The following DENND4B variants were observed in gnomAD, a reference collection of about 807,000 sequenced individuals.
DENND4B encodes the protein DENN domain containing 4B, also known as DENN domain-containing protein 4B.
A neutral mutation model predicts 161.0 loss-of-function variants in DENND4B; 67 were observed. That is an observed-to-expected ratio of 0.42 (90% confidence interval 0.34 to 0.51). DENND4B has a LOEUF of 0.51. Ranked by LOEUF, DENND4B falls within the 20% of genes least tolerant of loss-of-function variation. The probability of loss-of-function intolerance (pLI) is 0.08; values close to 1 mark genes in which losing one functional copy is unlikely to be tolerated. For synonymous variants in DENND4B, 753 were observed against 813.8 expected (o/e 0.93, Z 1.27); for missense variants, 1,481 against 1,968.0 (o/e 0.75, Z 4.68).
Position 153,937,467 on chromosome 1 carries a change from T to C in DENND4B, c.2232+21A>G. On this transcript the variant is annotated intron_variant, in intron 15 of 27. Transcript: ENST00000361217. The surrounding 1 kb of genome is among the most constrained non-coding windows in gnomAD (Gnocchi z 4.7). ...CTTCAGCCTGATCCGGGTCCCTCAG[T>C]GCGGTCCACCCACTGCTTACCTGTT... The C allele has an allele frequency of 6.6e-7, 1 of 1,520,104 alleles. No homozygotes were observed. Among genetic ancestry groups the C allele is most frequent in the Non-Finnish European group, 8.8e-7 (1 of 1,131,678 alleles). The allele number at this position is 1,520,104 out of a possible 1,614,324, so 94.2% of individuals were successfully genotyped here.
In DENND4B at chr1:153,936,607, C is replaced by G; in HGVS notation, c.2374G>C (p.Ala792Pro). Residue 792 changes from alanine to proline, a missense_variant, in exon 16 of 28, where the codon GCA (alanine) becomes CCA (proline). By Grantham distance (27) the Ala-to-Pro change is conservative. Coordinates refer to ENST00000361217, the MANE Select transcript of DENND4B (RefSeq NM_014856.3). This position sits in a 1 kb window ranked among gnomAD's most constrained non-coding sequence, Gnocchi z 4.1. ...YVRSAPSRVQ[A>P]LHTAYHVLRQ... ...AGCACATGGTAGGCTGTGTGCAGTGCCTGCACTCGGGAGGGTGCCGACCGC... is the reference window on the plus strand; with the variant it reads ...AGCACATGGTAGGCTGTGTGCAGTGGCTGCACTCGGGAGGGTGCCGACCGC... 6.2e-7 allele frequency: 1 copy of G among 1,612,556 alleles called. No individual in the cohort carries two copies.
chr1:153,943,678 TA>T (rs11330733), intron 2 of DENND4B, among the ~76,000 whole-genome samples: 26,207 of 92,192 alleles, frequency 0.28, 3,208 homozygotes, highest in East Asian at 0.61. Context: ...ACTCTGTCTA[TA>T]AAAAAAAAAA....
intron 12 of DENND4B, 83 bp downstream of exon 12, chr1:153,939,506 T>C: frequency 7.0e-7 from 1 of 1,438,624 alleles, no homozygotes; most frequent in Non-Finnish European, 9.4e-7. Context: ...TGGCTCCCAG[T>C]CCCCTCCGCC....
intron 6 of DENND4B, 126 bp downstream of exon 6, chr1:153,941,743 A>G: frequency 6.8e-7 from 1 of 1,463,654 alleles, no homozygotes; most frequent in Non-Finnish European, 9.1e-7. Flanking sequence ...GTATAACCAC[A>G]CACTGCAGCC....
chr1:153,940,630 C>G lies in DENND4B; in HGVS notation c.1327-24G>C, dbSNP rs777528835. On this transcript the variant is annotated intron_variant, in intron 9 of 27. Transcript: ENST00000361217. The surrounding 1 kb of genome is among the most constrained non-coding windows in gnomAD (Gnocchi z 5.6). ...ATCTGAAGCACCAGGCAGTGAGAACCAGTGAACAGGGGGTTGAGGCAGCAG... is the reference window on the plus strand; with the variant it reads ...ATCTGAAGCACCAGGCAGTGAGAACGAGTGAACAGGGGGTTGAGGCAGCAG... 2 of 1,606,164 alleles carry G rather than the reference C, an allele frequency of 1.2e-6. No homozygotes were observed. The highest frequency in any genetic ancestry group is 1.7e-5 in the Admixed American group (1 of 58,528).
chr1:153,931,698 G>A (rs571224917), intron 24 of DENND4B, among the ~76,000 whole-genome samples: 5 of 151,070 alleles, frequency 3.3e-5, no homozygotes, highest in South Asian at 2.1e-4. Flanking sequence ...GGGTTTCACC[G>A]TGTTAGCCAC....
chr1:153,935,171 G>A lies in DENND4B; in HGVS notation c.2569-207C>T, dbSNP rs1571040730. ...CCCAAGGGGCCTAGAAGAACCCAGA[G>A]GCAGTGGAGAAAATTTGTACCCAGA... is the stretch of plus-strand genomic sequence containing the variant. On this transcript the variant is annotated intron_variant, in intron 17 of 27. Coordinates refer to ENST00000361217, the MANE Select transcript of DENND4B (RefSeq NM_014856.3). 5 of 918,338 alleles carry A rather than the reference G, an allele frequency of 5.4e-6. No homozygotes were observed. In the East Asian group the frequency reaches 1.4e-4, roughly 25 times the overall value. The allele number at this position is 918,338 out of a possible 1,614,324, so 56.9% of individuals were successfully genotyped here.
Position 153,944,227 on chromosome 1 carries a change from C to A in DENND4B, c.148G>T (p.Val50Leu). ...PPRPAEPITD[V>L]AVIARALGEE... ...CCCAGTGCCCTAGCGATGACTGCCA[C>A]ATCTGTGATGGGCTCAGCTGGCCGG... The change falls in exon 2 of 28, where the codon GTG becomes TTG. Residue 50 changes from valine to leucine, a missense_variant. Coordinates refer to ENST00000361217, the MANE Select transcript of DENND4B (RefSeq NM_014856.3). The surrounding 1 kb of genome is among the most constrained non-coding windows in gnomAD (Gnocchi z 4.8). 1.2e-6 allele frequency: 2 copies of A among 1,606,904 alleles called. No homozygotes were observed. The highest frequency in any genetic ancestry group is 1.7e-6 in the Non-Finnish European group (2 of 1,176,510).
intron 6 of DENND4B, 115 bp from the exon 7 acceptor site, chr1:153,941,555 C>T: frequency 1.6e-6 from 2 of 1,287,472 alleles, no homozygotes; most frequent in Non-Finnish European, 2.1e-6. Context: ...CTGAACCCCA[C>T]TTTGAGACCT....
chr1:153,936,466 T>C lies in DENND4B; in HGVS notation c.2439+76A>G, dbSNP rs1463110440. 1.7e-5 allele frequency: 25 copies of C among 1,435,500 alleles called. No individual in the cohort carries two copies. The highest frequency in any genetic ancestry group is 2.2e-5 in the Non-Finnish European group (24 of 1,075,784). 88.9% of individuals were successfully genotyped at this position (1,435,500 alleles called of 1,614,324 possible). On this transcript the variant is annotated intron_variant, in intron 16 of 27. Coordinates refer to ENST00000361217, the MANE Select transcript of DENND4B (RefSeq NM_014856.3). The surrounding 1 kb of genome is among the most constrained non-coding windows in gnomAD (Gnocchi z 4.1). ...CTTCTTTCCTTAGTCTCCACCAAGT[T>C]TCCCTCTCACAGCCCTCTCCAGCTG...
chr1:153,941,607 C>G (rs1240442591), intron 6 of DENND4B, among the ~76,000 whole-genome samples, 167 bp from the exon 7 acceptor site: 3 of 152,154 alleles, frequency 2.0e-5, no homozygotes, highest in Non-Finnish European at 4.4e-5. Context: ...ATAATTTGTG[C>G]AGATCAGAAA....
chr1:153,942,307 G>A lies in DENND4B; in HGVS notation c.690C>T (p.Pro230=), dbSNP rs201629916. 2.9e-5 allele frequency: 46 copies of A among 1,613,580 alleles called. No individual in the cohort carries two copies. The highest frequency in any genetic ancestry group is 1.5e-4 in the African/African-American group (11 of 74,904). The stretch of plus-strand genomic sequence containing the variant: ...GCAGGCAGAAGACGGGCACTGACTC[G>A]GGCAGCGGGAACGCCTCATTGTCCT... The part of the protein sequence containing the change: ...PEEDNEAFPL[P]ESVPVFCLPM... The change falls in exon 5 of 28, where the codon CCC becomes CCT. Residue 230 remains proline, a synonymous_variant. Coordinates refer to ENST00000361217, the MANE Select transcript of DENND4B (RefSeq NM_014856.3). This position sits in a 1 kb window ranked among gnomAD's most constrained non-coding sequence, Gnocchi z 6.9.
Position 153,932,290 on chromosome 1 carries a change from G to T in DENND4B, c.3910C>A (p.Leu1304Ile), listed in dbSNP as rs1679004740. Residue 1304 changes from leucine (L) to isoleucine (I), a missense_variant, in exon 24 of 28, where the codon CTT (leucine) becomes ATT (isoleucine). Transcript: ENST00000361217. The surrounding 1 kb of genome is among the most constrained non-coding windows in gnomAD (Gnocchi z 5.8). The stretch of plus-strand genomic sequence containing the variant: ...CGTAGCCGTTGGAAATACCACAAAA[G>T]GTTCCAGAAGATGATGGGGTGGGCA... ...PSAHPIIFWN[L>I]LWYFQRLRLP... 1 of 1,613,898 alleles carries T rather than the reference G, an allele frequency of 6.2e-7. No individual in the cohort carries two copies. Among genetic ancestry groups the T allele is most frequent in the Non-Finnish European group, 8.5e-7 (1 of 1,179,912 alleles).
Position 153,932,539 on chromosome 1 carries a change from T to C in DENND4B, c.3760-99A>G. The C allele has an allele frequency of 1.3e-6, 2 of 1,562,924 alleles. No homozygotes were observed. Among genetic ancestry groups the C allele is most frequent in the Admixed American group, 1.8e-5 (1 of 54,660 alleles). ...CATCCAACAGCTTTTGGGATGCCCC[T>C]TGCCCTCAAGGGCAAGAGATGTGCC... is the stretch of plus-strand genomic sequence containing the variant. On this transcript the variant is annotated intron_variant, in intron 23 of 27. Coordinates refer to ENST00000361217, the MANE Select transcript of DENND4B (RefSeq NM_014856.3). The surrounding 1 kb of genome is among the most constrained non-coding windows in gnomAD (Gnocchi z 5.8).
rs765593265 is a variant in DENND4B, at chr1:153,939,782, T to C, written c.1626A>G (p.Glu542=). The C allele has an allele frequency of 6.2e-7, 1 of 1,613,830 alleles. No individual in the cohort carries two copies. The highest frequency in any genetic ancestry group is 1.1e-5 in the South Asian group (1 of 91,082). Residue 542 remains glutamate, a synonymous_variant, in exon 12 of 28, where the codon GAA becomes GAG. Coordinates refer to ENST00000361217, the MANE Select transcript of DENND4B (RefSeq NM_014856.3). The stretch of plus-strand genomic sequence containing the variant: ...CTGTCAGTAGGAACTCCAGGGATGC[T>C]TCCTCCTCAGGTCCAGTGTATGCTG... ...LDQTYTGPEE[E]ASLEFLLTDY...
Position 153,930,009 on chromosome 1 carries a change from C to G in DENND4B, c.*288G>C, listed in dbSNP as rs77555743. 3.6e-3 allele frequency: 1,520 copies of G among 419,362 alleles called. 24 individuals are homozygous for G. Among genetic ancestry groups the G allele is most frequent in the African/African-American group, 0.029 (1,434 of 49,842 alleles). 26.0% of individuals were successfully genotyped at this position (419,362 alleles called of 1,614,324 possible). ...CAGGGCAATGCAGATCTGTGGGTACCCTGGAGGGGAGTTCCCGGTATAGGA... is the reference window on the plus strand; with the variant it reads ...CAGGGCAATGCAGATCTGTGGGTACGCTGGAGGGGAGTTCCCGGTATAGGA... On this transcript the variant is annotated 3_prime_UTR_variant, in exon 28 of 28. Coordinates refer to ENST00000361217, the MANE Select transcript of DENND4B (RefSeq NM_014856.3). This position sits in a 1 kb window ranked among gnomAD's most constrained non-coding sequence, Gnocchi z 4.7.
At position 153,942,203 on chromosome 1, in the gene DENND4B, C is replaced by A; in HGVS notation, c.794G>T (p.Gly265Val). The part of the protein sequence containing the change: ...VPVFSTFVLT[G>V]AAGDKVYGAA... ...CACACCCACCTTATCACCAGCTGCA[C>A]CCGTGAGCACAAAGGTGGAGAAGAC... The change falls in exon 5 of 28, where the codon GGT becomes GTT. Residue 265 changes from glycine to valine, a missense_variant. Physicochemically the swap from Gly to Val is moderately radical, Grantham distance 109. Transcript: ENST00000361217. The surrounding 1 kb of genome is among the most constrained non-coding windows in gnomAD (Gnocchi z 6.9). The A allele has an allele frequency of 6.2e-7, 1 of 1,614,000 alleles. No homozygotes were observed. The highest frequency in any genetic ancestry group is 1.7e-5 in the Admixed American group (1 of 60,024).
At chr1:153,938,024 G>A (rs6695083) in intron 13 of DENND4B, among the ~76,000 whole-genome samples, 161 bp from the exon 14 acceptor site, 4,248 of 152,274 alleles carry the variant, frequency 0.028, 212 homozygotes, top group African/African-American at 0.097. Flanking sequence ...TTACATGTAC[G>A]GGGCCAGCTG....
In DENND4B at chr1:153,936,246, T is replaced by C; in HGVS notation, c.2440-58A>G. On this transcript the variant is annotated intron_variant, in intron 16 of 27. Transcript: ENST00000361217. This position sits in a 1 kb window ranked among gnomAD's most constrained non-coding sequence, Gnocchi z 4.1. The stretch of plus-strand genomic sequence containing the variant: ...CTCACTCTCAACCAAAACCAAAGTC[T>C]CAGCAAGCACCCTCTTCCTGCCTCC... 6.4e-7 allele frequency: 1 copy of C among 1,554,300 alleles called. No individual in the cohort carries two copies. The highest frequency in any genetic ancestry group is 8.7e-7 in the Non-Finnish European group (1 of 1,147,520).
Sources: gnomAD v4.1 joint callset for allele counts (sites outside exome capture counted in the v4.1 genomes callset) on GRCh38, gnomAD v4.1.1 for gene constraint, Gnocchi (gnomAD v3.1) non-coding constraint, MANE v1.5 for transcripts, NCBI Gene and HGNC (gene_info 2026-07-23, HGNC 2026-07-21) for gene names.